Variants in SYN2 observed in about 807,000 individuals in gnomAD.
The protein encoded by SYN2 is synapsin-2.
Under a neutral mutation model 50.9 loss-of-function variants are expected in SYN2, and 19 were observed. That is an observed-to-expected ratio of 0.37 (90% CI 0.26 to 0.55). The LOEUF (loss-of-function observed/expected upper bound fraction) is 0.55, where lower values mean the gene tolerates loss of function less well. Ranked by LOEUF, SYN2 falls within the 20% of genes least tolerant of loss-of-function variation. The pLI, the probability that SYN2 is intolerant of heterozygous loss-of-function variation, is 0.81. For synonymous variants in SYN2, 255 were observed against 224.9 expected, an observed-to-expected ratio of 1.13 and a Z score of -1.20; for missense variants, 587 against 576.4, an observed-to-expected ratio of 1.02 and a Z score of -0.19.
chr3:12,108,808 TAA>T (rs5846746), intron 1 of SYN2, among the ~76,000 whole-genome samples: 74 of 143,356 alleles, frequency 5.2e-4, no homozygotes, highest in Non-Finnish European at 6.7e-4. Flanking sequence ...TGGTTGGGTT[TAA>T]AAAAAAAAAA....
chr3:12,049,867 C>G (rs1694816857), intron 1 of SYN2, among the ~76,000 whole-genome samples: 2 of 152,150 alleles, frequency 1.3e-5, no homozygotes, highest in Admixed American at 6.5e-5. Flanking sequence ...AAAATCAGTA[C>G]CTTGGAGAGC....
chr3:12,171,351 G>T (rs556509724), intron 10 of SYN2, among the ~76,000 whole-genome samples: 2 of 152,242 alleles, frequency 1.3e-5, no homozygotes, highest in Admixed American at 1.3e-4. Flanking sequence ...TCCTAGTTCT[G>T]CCTTTTAGTC....
intron 1 of SYN2, among the ~76,000 whole-genome samples, chr3:12,064,559 G>C (rs2125164303): frequency 6.6e-6 from 1 of 152,086 alleles, no homozygotes; most frequent in African/African-American, 2.4e-5. Flanking sequence ...ATATTTTAAA[G>C]GGGCAAAGGA....
intron 1 of SYN2, among the ~76,000 whole-genome samples, chr3:12,018,506 C>T (rs1694066916): frequency 6.6e-6 from 1 of 152,224 alleles, no homozygotes; most frequent in African/African-American, 2.4e-5. Flanking sequence ...GTTCTTCCAA[C>T]CATTTAATAG....
chr3:12,047,502 T>G (rs1287987851), intron 1 of SYN2, among the ~76,000 whole-genome samples: 2 of 152,178 alleles, frequency 1.3e-5, no homozygotes, highest in Non-Finnish European at 2.9e-5. Context: ...AAGGCCTTGT[T>G]GAGGTGACAA....
At position 12,156,698 on chromosome 3, in the gene SYN2, A is replaced by G. The variant is rs1020581111; in HGVS notation, c.775-4848A>G. The G allele has an allele frequency of 2.3e-4, 160 of 693,530 alleles. 1 individual carries two copies. The highest frequency in any genetic ancestry group is 4.0e-5 in the Non-Finnish European group (16 of 401,144). 43.0% of individuals were successfully genotyped at this position (693,530 alleles called of 1,614,324 possible). A position where few individuals can be genotyped will look rare whatever the true frequency, so the allele number is the denominator to read the frequency against. Reference sequence around the variant, plus strand: ...TCTGTCACTAACACAGCTCTGTTTTATGCCCAAGAAAATGCCACCTGGCTC... The same window carrying G: ...TCTGTCACTAACACAGCTCTGTTTTGTGCCCAAGAAAATGCCACCTGGCTC... On this transcript the variant is annotated intron_variant, in intron 5 of 12. Coordinates refer to ENST00000621198, the MANE Select transcript of SYN2 (RefSeq NM_133625.6).
intron 1 of SYN2, chr3:12,070,339 T>C: frequency 5.9e-6 from 3 of 506,672 alleles, no homozygotes; most frequent in Non-Finnish European, 1.2e-5. Flanking sequence ...TAGGCGCCCC[T>C]GGCACCAGGG....
intron 1 of SYN2, among the ~76,000 whole-genome samples, chr3:12,079,066 C>T (rs896425453): frequency 6.6e-6 from 1 of 151,846 alleles, no homozygotes. Flanking sequence ...TTTTAGCAAT[C>T]GTGAACAGGA....
intron 7 of SYN2, 129 bp downstream of exon 7, chr3:12,162,283 T>C: frequency 1.7e-6 from 2 of 1,178,448 alleles, no homozygotes; most frequent in Non-Finnish European, 2.4e-6. Flanking sequence ...GGGTTCCTTT[T>C]AAGTCAGAGG....
chr3:12,094,375 G>A (rs952469323), intron 1 of SYN2, among the ~76,000 whole-genome samples: 3 of 152,096 alleles, frequency 2.0e-5, no homozygotes, highest in African/African-American at 7.2e-5. Context: ...CCCTTTACTA[G>A]GCACTGTGAT....
intron 1 of SYN2, among the ~76,000 whole-genome samples, chr3:12,138,953 A>T (rs1189609976): frequency 6.6e-6 from 1 of 152,172 alleles, no homozygotes; most frequent in Admixed American, 6.5e-5. Flanking sequence ...TATTAGTTAA[A>T]CCTGTAAATA....
At chr3:12,044,203 A>ACC (rs1167255142) in intron 1 of SYN2, among the ~76,000 whole-genome samples, 3 of 150,190 alleles carry the variant, frequency 2.0e-5, no homozygotes, top group Admixed American at 6.7e-5. Flanking sequence ...ACACACACAC[A>ACC]CACACACACA....
chr3:12,161,957 AGTGTGTGTAT>A (rs1280861348), intron 6 of SYN2, 45 bp from the exon 7 acceptor site: 2 of 1,598,660 alleles, frequency 1.3e-6, no homozygotes, highest in African/African-American at 2.7e-5. Flanking sequence ...GTGACTTCTC[AGTGTGTGTAT>A]GTGTGTGTCT....
rs558372365 is a variant in SYN2 at position 12,184,843 on chromosome 3, C to T, written c.1369+1471C>T. 2.2e-5 allele frequency: 22 copies of T among 985,672 alleles called. 1 individual carries two copies. Among genetic ancestry groups the T allele is most frequent in the Middle Eastern group, 5.2e-4 (1 of 1,938 alleles). The allele number at this position is 985,672 out of a possible 1,614,324, so 61.1% of individuals were successfully genotyped here. A position where few individuals can be genotyped will look rare whatever the true frequency, so the allele number is the denominator to read the frequency against. ...GCACCAAGCAGCCGCCTCTAACAAA[C>T]ACCATGGTCCGTGGAAGTTCATGCC... On this transcript the variant is annotated intron_variant, in intron 11 of 12. Transcript: ENST00000621198.
At position 12,007,689 on chromosome 3, in the gene SYN2, TAA is replaced by T. The variant is rs35810788; in HGVS notation, c.377+2765_377+2766del. On this transcript the variant is annotated intron_variant, in intron 1 of 12. Coordinates refer to ENST00000621198, the MANE Select transcript of SYN2 (RefSeq NM_133625.6). ...CCCTCTGAATTATATAATGCTAAAA[TAA>T]AAAGAGTCTGAACAAGCATTTAAAT... Among the ~76,000 whole-genome samples, 905 of 152,252 alleles carry T rather than the reference TAA, an allele frequency of 5.9e-3. 4 individuals carry two copies. In the Middle Eastern group the frequency reaches 0.061, roughly 10 times the overall value.
intron 1 of SYN2, among the ~76,000 whole-genome samples, chr3:12,015,964 C>T (rs1049095471): frequency 3.9e-5 from 6 of 152,172 alleles, no homozygotes; most frequent in Admixed American, 1.3e-4. Flanking sequence ...ATAATTTCAG[C>T]CTGATTTAAT....
At chr3:12,159,072 G>C in intron 5 of SYN2, 1 of 548,684 alleles carries the variant, frequency 1.8e-6, no homozygotes, top group Admixed American at 3.8e-5. Context: ...AGCCTGGAAG[G>C]AGGCCCTGAC....
intron 1 of SYN2, among the ~76,000 whole-genome samples, chr3:12,040,207 G>A (rs181431758): frequency 7.9e-5 from 12 of 152,260 alleles, no homozygotes; most frequent in African/African-American, 2.9e-4. Context: ...TTGTAATCTG[G>A]TGGAAGATGG....
rs547565856 is a variant in SYN2 at position 12,155,709 on chromosome 3, A to G, written c.774+4383A>G. ...AACTTTTCTTAGACTATTTTTTGTC[A>G]TTTCTCCCCACCCTCAGTTAGACTT... is the stretch of plus-strand genomic sequence containing the variant. On this transcript the variant is annotated intron_variant, in intron 5 of 12. Transcript: ENST00000621198. 5.9e-5 allele frequency among the ~76,000 whole-genome samples: 9 copies of G among 152,232 alleles called. No homozygotes were observed. The East Asian group carries it at 1.5e-3, about 26-fold the overall frequency.
Sources: gnomAD v4.1 joint callset for allele counts (sites outside exome capture counted in the v4.1 genomes callset) on GRCh38, gnomAD v4.1.1 for gene constraint, MANE v1.5 for transcripts, NCBI Gene and HGNC (gene_info 2026-07-23, HGNC 2026-07-21) for gene names.